The following ZNF75D variants were observed in gnomAD, a reference collection of about 807,000 sequenced individuals.
ZNF75D encodes zinc finger protein 75D.
In ZNF75D, 33 loss-of-function variants were observed where a neutral mutation model predicts 33.3. The ratio of observed to expected loss-of-function variants is 0.99; its 90% CI spans 0.75 to 1.32. ZNF75D has a LOEUF of 1.32. ZNF75D is among the 40% of genes most tolerant of loss of function. ZNF75D has a pLI of 0.00. For missense variants in ZNF75D, 338 were observed against 367.5 expected, an observed-to-expected ratio of 0.92 and a Z score of 0.66; for synonymous variants, 113 against 130.6, an observed-to-expected ratio of 0.87 and a Z score of 0.92.
Position 135,286,003 on chromosome X carries a change from AAT to A in ZNF75D, c.*1132_*1133del, listed in dbSNP as rs2083945177. 8.9e-6 allele frequency: 1 copy of A among 112,140 alleles called. No homozygotes were observed. Among genetic ancestry groups the A allele is most frequent in the African/African-American group, 3.2e-5 (1 of 30,833 alleles). 9.2% of individuals were successfully genotyped at this position (112,140 alleles called of 1,213,427 possible). On this transcript the variant is annotated 3_prime_UTR_variant, in exon 7 of 7. Transcript: ENST00000370766. ...CTCTTAAGAGATAGTCACTTTGGCT[AAT>A]AGGGAAAAGAAAACCAGTAACATCA... is the stretch of plus-strand genomic sequence containing the variant.
At chrX:135,317,710 G>A in intron 1 of ZNF75D, among the ~76,000 whole-genome samples, 1 of 111,185 alleles carries the variant, frequency 9.0e-6, no homozygotes. Flanking sequence ...GAGTATTCAG[G>A]TGCCAATGTT....
At chrX:135,305,605 C>T (rs182910974) in intron 1 of ZNF75D, among the ~76,000 whole-genome samples, 10 of 111,383 alleles carry the variant, frequency 9.0e-5, no homozygotes, top group African/African-American at 3.3e-4. Context: ...CAGCTACCCA[C>T]TCCCTCCCCC....
Position 135,269,257 on chromosome X carries a change from T to C in ZNF75D, n.828-13480A>G, listed in dbSNP as rs782140481. Among the ~76,000 whole-genome samples the C allele has an allele frequency of 6.3e-5, 7 of 111,448 alleles. No individual in the cohort carries two copies. In the East Asian group the frequency reaches 2.0e-3, roughly 32 times the overall value. ...AAGCAAAAATGGACAAATGGGATCA[T>C]ATCAAGTGAAAAACCTTCTGCACAG... On this transcript the variant is annotated intron_variant and non_coding_transcript_variant, in intron 1 of 3. Transcript: ENST00000494295.
intron 1 of ZNF75D, among the ~76,000 whole-genome samples, chrX:135,302,886 G>A (rs1485555780): frequency 9.1e-6 from 1 of 109,530 alleles, no homozygotes; most frequent in Non-Finnish European, 1.9e-5. Flanking sequence ...GGATCCCGCC[G>A]GCCTCTGAGT....
chrX:135,321,027 G>A (rs1259386964), intron 1 of ZNF75D, among the ~76,000 whole-genome samples: 1 of 111,805 alleles, frequency 8.9e-6, no homozygotes. Context: ...TTTTCTCACA[G>A]TTCTGGAGGC....
intron 1 of ZNF75D, among the ~76,000 whole-genome samples, chrX:135,303,128 G>A (rs1194209231): frequency 4.5e-5 from 5 of 111,167 alleles, no homozygotes; most frequent in Admixed American, 9.5e-5. Flanking sequence ...GCCCCAAGGC[G>A]GTTTTCCCCT....
At chrX:135,249,931 TG>T (rs1446810465) in intron 3 of ZNF75D, among the ~76,000 whole-genome samples, 7 of 15,665 alleles carry the variant, frequency 4.5e-4, no homozygotes, top group African/African-American at 1.5e-3. Flanking sequence ...ATTGGAAGAC[TG>T]TGCAAATTTT....
At chrX:135,319,480 G>A (rs781881445) in intron 1 of ZNF75D, among the ~76,000 whole-genome samples, 4 of 111,980 alleles carry the variant, frequency 3.6e-5, no homozygotes, top group Admixed American at 2.8e-4. Context: ...GGCAGCAGGG[G>A]CATAGAGGCT....
chrX:135,333,191 C>T (rs781892700), intron 1 of ZNF75D, among the ~76,000 whole-genome samples: 4 of 111,057 alleles, frequency 3.6e-5, no homozygotes, highest in African/African-American at 1.3e-4. Flanking sequence ...TATGTGTAAC[C>T]CTAACAGAGA....
chrX:135,281,875 G>A (rs782562176), downstream of ZNF75D, among the ~76,000 whole-genome samples: 15 of 112,220 alleles, frequency 1.3e-4, no homozygotes, highest in Non-Finnish European at 2.6e-4. Flanking sequence ...TTGTCCCAGA[G>A]GGGCACCTGC....
At chrX:135,295,000 C>T (rs1244425560) in intron 2 of ZNF75D, among the ~76,000 whole-genome samples, 1 of 111,717 alleles carries the variant, frequency 9.0e-6, no homozygotes, top group Non-Finnish European at 1.9e-5. Context: ...GATGGTCTTC[C>T]TTTACATATA....
Position 135,293,780 on chromosome X carries a change from G to A in ZNF75D, c.361C>T (p.Leu121=). Residue 121 remains leucine (L), a synonymous_variant, in exon 3 of 7, where the codon CTG becomes TTG. Transcript: ENST00000370766. ...KHHPQNVKQA[L]VLVEFLQREP... is the part of the protein sequence containing the mutation. ...CTCTGCAAGAATTCCACCAGGACCA[G>A]AGCCTGTTTGACATTCTGTGGATGA... The A allele has an allele frequency of 1.7e-6, 2 of 1,201,827 alleles. No homozygotes were observed. The highest frequency in any genetic ancestry group is 2.2e-6 in the Non-Finnish European group (2 of 889,065).
At chrX:135,336,029 T>C (rs2084707291) in intron 1 of ZNF75D, among the ~76,000 whole-genome samples, 1 of 112,541 alleles carries the variant, frequency 8.9e-6, no homozygotes, top group Admixed American at 9.4e-5. Flanking sequence ...GTGGTTGCTG[T>C]CTGAATATTC....
chrX:135,291,290 G>C, intron 5 of ZNF75D, 155 bp from the exon 6 acceptor site: 1 of 815,139 alleles, frequency 1.2e-6, no homozygotes, highest in East Asian at 3.3e-5. Flanking sequence ...GGAGCAAAGA[G>C]GATCAGTAAA....
At chrX:135,282,430 G>A (rs961299096), downstream of ZNF75D, among the ~76,000 whole-genome samples, 3 of 111,764 alleles carry the variant, frequency 2.7e-5, no homozygotes, top group East Asian at 5.6e-4. Flanking sequence ...GCTGGGCTCC[G>A]TGGGGTTGGA....
Position 135,287,771 on chromosome X carries a change from C to T in ZNF75D, c.899G>A (p.Cys300Tyr), listed in dbSNP as rs1556420178. 2 of 1,209,997 alleles carry T rather than the reference C, an allele frequency of 1.7e-6. No individual in the cohort carries two copies. Among genetic ancestry groups the T allele is most frequent in the Non-Finnish European group, 2.2e-6 (2 of 894,998 alleles). The change falls in exon 7 of 7, where the codon TGC becomes TAC. Residue 300 changes from cysteine (C) to tyrosine (Y), a missense_variant. By Grantham distance (194) the Cys-to-Tyr change is radical. Coordinates refer to ENST00000370766, the MANE Select transcript of ZNF75D (RefSeq NM_007131.5). ...VSTSEIQTSG[C>Y]EVSKKTRMKI... ...CATTCTGGTCTTTTTTGATACTTCG[C>T]ATCCTGATGTTTGTATTTCTGATGT...
chrX:135,289,641 C>G (rs1393410907), intron 6 of ZNF75D, among the ~76,000 whole-genome samples: 2 of 101,985 alleles, frequency 2.0e-5, no homozygotes, highest in East Asian at 3.0e-4. Flanking sequence ...CACACACACA[C>G]ACACACACAC....
chrX:135,291,905 C>T (rs781912147), intron 4 of ZNF75D, among the ~76,000 whole-genome samples: 152 of 112,082 alleles, frequency 1.4e-3, no homozygotes, highest in African/African-American at 4.6e-3. Flanking sequence ...ATGTGGGAGA[C>T]TTTTGTCTTT....
chrX:135,329,995 C>T (rs1184058454), intron 1 of ZNF75D, among the ~76,000 whole-genome samples: 6 of 111,930 alleles, frequency 5.4e-5, no homozygotes, highest in African/African-American at 1.6e-4. Flanking sequence ...ACAAAATGAG[C>T]TGATTATTCA....
Sources: allele counts gnomAD v4.1 joint callset (sites outside exome capture counted in the v4.1 genomes callset), GRCh38; gene constraint gnomAD v4.1.1; transcripts MANE v1.5; gene names NCBI Gene and HGNC (gene_info 2026-07-23, HGNC 2026-07-21).